The following RBFOX1 variants were observed in gnomAD, a reference collection of about 807,000 sequenced individuals.
RBFOX1 encodes the protein RNA binding fox-1 homolog 1.
RBFOX1 carries 8 observed loss-of-function variants against 57.7 expected under a neutral mutation model. The observed-to-expected ratio is 0.14, with a 90% CI of 0.08 to 0.25. RBFOX1 has a LOEUF of 0.25. RBFOX1 is among the 10% of genes least tolerant of loss of function. The pLI, the probability that RBFOX1 is intolerant of heterozygous loss-of-function variation, is 1.00. For missense variants in RBFOX1, 611 were observed against 548.5 expected, an observed-to-expected ratio of 1.11 and a Z score of -1.14; for synonymous variants, 326 against 222.4, an observed-to-expected ratio of 1.47 and a Z score of -4.15.
intron 10 of RBFOX1, among the ~76,000 whole-genome samples, chr16:7,629,572 T>G (rs1194403458): frequency 2.6e-5 from 4 of 152,246 alleles, no homozygotes; most frequent in Middle Eastern, 6.8e-3. Context: ...GCCTTAAAAC[T>G]CCTCAGAATT....
intron 4 of RBFOX1, among the ~76,000 whole-genome samples, chr16:7,478,303 T>G (rs2063156701): frequency 6.6e-6 from 1 of 152,186 alleles, no homozygotes; most frequent in Non-Finnish European, 1.5e-5. Context: ...GTCACCTTGT[T>G]CAAATAGCTA....
chr16:6,751,533 C>T (rs971391004), intron 3 of RBFOX1, among the ~76,000 whole-genome samples: 1 of 152,138 alleles, frequency 6.6e-6, no homozygotes, highest in African/African-American at 2.4e-5. Flanking sequence ...TTTGGAGTCA[C>T]TAGTTGGATA....
chr16:6,640,531 C>T (rs2098478678), intron 2 of RBFOX1, among the ~76,000 whole-genome samples: 2 of 152,178 alleles, frequency 1.3e-5, no homozygotes, highest in South Asian at 4.2e-4. Flanking sequence ...TAGCGTGAAC[C>T]CGGGAAGCGG....
At chr16:5,534,053 G>T (rs556199791) in intron 2 of RBFOX1, among the ~76,000 whole-genome samples, 2 of 152,236 alleles carry the variant, frequency 1.3e-5, no homozygotes, top group African/African-American at 4.8e-5. Flanking sequence ...GTTGCCATGG[G>T]GACTGGCCAC....
At chr16:7,328,445 A>C (rs568670444) in intron 4 of RBFOX1, among the ~76,000 whole-genome samples, 1 of 136,016 alleles carries the variant, frequency 7.4e-6, no homozygotes, top group South Asian at 2.3e-4. Context: ...ATGCCATTGC[A>C]CTCTAGCCTG....
chr16:6,210,851 G>A (rs1306179662), intron 1 of RBFOX1, among the ~76,000 whole-genome samples: 1 of 152,168 alleles, frequency 6.6e-6, no homozygotes, highest in Non-Finnish European at 1.5e-5. Flanking sequence ...GTCCTTAAGT[G>A]AACGGTGCAA....
intron 2 of RBFOX1, among the ~76,000 whole-genome samples, chr16:5,542,604 T>C (rs2045007224): frequency 6.6e-6 from 1 of 152,084 alleles, no homozygotes; most frequent in African/African-American, 2.4e-5. Context: ...TTCAATCTAG[T>C]ACAACAATGA....
At chr16:6,360,094 T>C (rs1336410376) in intron 2 of RBFOX1, among the ~76,000 whole-genome samples, 1 of 152,188 alleles carries the variant, frequency 6.6e-6, no homozygotes, top group African/African-American at 2.4e-5. Flanking sequence ...TTTCGTTCAT[T>C]TCCATGGCTT....
intron 2 of RBFOX1, among the ~76,000 whole-genome samples, chr16:6,441,748 G>C (rs572315901): frequency 6.6e-6 from 1 of 152,060 alleles, no homozygotes; most frequent in Non-Finnish European, 1.5e-5. Flanking sequence ...CTGACTGTCT[G>C]TCTTCACGTA....
At chr16:6,082,273 C>G (rs1455855507) in intron 1 of RBFOX1, among the ~76,000 whole-genome samples, 3 of 146,448 alleles carry the variant, frequency 2.0e-5, no homozygotes, top group Admixed American at 6.9e-5. Flanking sequence ...CTCTGCCTCC[C>G]AGATTCAAGC....
chr16:7,202,037 A>G lies in RBFOX1; in HGVS notation c.27+149939A>G, dbSNP rs1042573283. On this transcript the variant is annotated intron_variant, in intron 4 of 15. Transcript: ENST00000550418. ...GTAGAATTTGCATTGACTTTGGAAG[A>G]TCCTCCCATGGTCTTTCTCCTAGAG... Among the ~76,000 whole-genome samples, 6 of 152,258 alleles carry G rather than the reference A, an allele frequency of 3.9e-5. No homozygotes were observed. In the East Asian group the frequency reaches 5.8e-4, roughly 15 times the overall value.
chr16:7,118,683 A>G (rs1013490682), intron 4 of RBFOX1, among the ~76,000 whole-genome samples: 2 of 152,138 alleles, frequency 1.3e-5, no homozygotes, highest in Non-Finnish European at 2.9e-5. Flanking sequence ...GCTCACATTC[A>G]AGGAGGGATT....
At chr16:6,578,025 C>T (rs1367252942) in intron 2 of RBFOX1, among the ~76,000 whole-genome samples, 1 of 152,188 alleles carries the variant, frequency 6.6e-6, no homozygotes, top group Non-Finnish European at 1.5e-5. Flanking sequence ...GTGCTTATTT[C>T]ATTGAAGAGC....
At chr16:7,298,275 G>GTTTTTTTTT (rs1281918637) in intron 4 of RBFOX1, among the ~76,000 whole-genome samples, 2 of 117,560 alleles carry the variant, frequency 1.7e-5, no homozygotes, top group Admixed American at 8.4e-5. Flanking sequence ...TTGTGTATAG[G>GTTTTTTTTT]TTTTTTTTTG....
intron 4 of RBFOX1, among the ~76,000 whole-genome samples, chr16:7,132,374 G>A (rs1023003239): frequency 2.0e-5 from 3 of 151,694 alleles, no homozygotes; most frequent in African/African-American, 7.3e-5. Flanking sequence ...ATAGCTGAGA[G>A]ATGGAAGCAA....
intron 3 of RBFOX1, among the ~76,000 whole-genome samples, chr16:7,046,199 A>G (rs2047868402): frequency 6.6e-6 from 1 of 150,538 alleles, no homozygotes; most frequent in Non-Finnish European, 1.5e-5. Context: ...TTCCATTTTG[A>G]CTTAATTTTT....
chr16:6,944,443 C>A (rs1045958152), intron 3 of RBFOX1, among the ~76,000 whole-genome samples: 1 of 151,998 alleles, frequency 6.6e-6, no homozygotes, highest in Non-Finnish European at 1.5e-5. Context: ...AAGACCACAC[C>A]CTTGCTTGGC....
At chr16:6,845,214 G>A (rs1015262038) in intron 3 of RBFOX1, among the ~76,000 whole-genome samples, 2 of 151,718 alleles carry the variant, frequency 1.3e-5, no homozygotes, top group Non-Finnish European at 2.9e-5. Context: ...CGCTTTTGCA[G>A]CAATTGCTTT....
chr16:6,040,570 T>TTCTC (rs998271459), intron 1 of RBFOX1, among the ~76,000 whole-genome samples: 14 of 150,102 alleles, frequency 9.3e-5, no homozygotes, highest in South Asian at 4.2e-4. Flanking sequence ...CTTTCTTTCT[T>TTCTC]TCTCTCTCTC....
Sources: gnomAD v4.1 joint callset for allele counts (sites outside exome capture counted in the v4.1 genomes callset) on GRCh38, gnomAD v4.1.1 for gene constraint, MANE v1.5 for transcripts, NCBI Gene and HGNC (gene_info 2026-07-23, HGNC 2026-07-21) for gene names.